MYO1G: variants seen among roughly 807,000 people sequenced by gnomAD.
MYO1G encodes myosin IG, also known as unconventional myosin-Ig.
Under a neutral mutation model 115.3 loss-of-function variants are expected in MYO1G, and 65 were observed. The observed-to-expected ratio is 0.56, with a 90% CI of 0.46 to 0.69. The LOEUF is 0.69. Among genes scored for constraint, MYO1G ranks in the 30% least tolerant of loss-of-function variants. The pLI, the probability that MYO1G is intolerant of heterozygous loss-of-function variation, is 0.00. For missense variants in MYO1G, 1,204 were observed against 1,393.5 expected (o/e 0.86, Z 2.16); for synonymous variants, 510 against 552.6 (o/e 0.92, Z 1.08).
chr7:44,971,352 C>A (rs1794955205), intron 7 of MYO1G, among the ~76,000 whole-genome samples: 1 of 152,248 alleles, frequency 6.6e-6, no homozygotes, highest in Non-Finnish European at 1.5e-5. Context: ...ACTACTTACT[C>A]CTCATGCCGC....
intron 1 of MYO1G, 86 bp downstream of exon 1, chr7:44,978,781 C>G: frequency 3.1e-6 from 4 of 1,307,330 alleles, no homozygotes; most frequent in Non-Finnish European, 4.4e-6. Flanking sequence ...CAGCAGCGTG[C>G]CTTCCTCTTT....
At position 44,976,882 on chromosome 7, in the gene MYO1G, G is replaced by A. The variant is rs755842091; in HGVS notation, c.285C>T (p.Asp95=). Residue 95 remains aspartate, a synonymous_variant, in exon 2 of 22, where the codon GAC becomes GAT. Transcript: ENST00000258787. Reference sequence around the variant, plus strand: ...AGGTACCTGAGATGACGATGCAGGTGTCCCTGGACCGGTGCTTCATTGCCT... The same window carrying A: ...AGGTACCTGAGATGACGATGCAGGTATCCCTGGACCGGTGCTTCATTGCCT... ...AYKAMKHRSR[D]TCIVISGESG... 44 of 1,613,440 alleles carry A rather than the reference G, an allele frequency of 2.7e-5. No homozygotes were observed. The Admixed American group carries it at 7.3e-4, about 27-fold the overall frequency.
At chr7:44,977,696 G>T (rs1310943197) in intron 1 of MYO1G, among the ~76,000 whole-genome samples, 2 of 152,172 alleles carry the variant, frequency 1.3e-5, no homozygotes, top group Non-Finnish European at 2.9e-5. Flanking sequence ...TCCCCAGTGG[G>T]GGTGGATGTC....
rs145850475 is a variant in MYO1G at position 44,971,744 on chromosome 7, T to C, written c.775A>G (p.Met259Val). 296 of 1,555,726 alleles carry C rather than the reference T, an allele frequency of 1.9e-4. No individual in the cohort carries two copies. The highest frequency in any genetic ancestry group is 2.5e-4 in the Non-Finnish European group (282 of 1,149,142). ...EQSHQAVTEA[M>V]RVIGFSPEEV... ...TCAGGACTGAAGCCGATGACCCTCA[T>C]GGCCTCGGTCACTGCCTGGTGGCTC... Residue 259 changes from methionine (M) to valine (V), a missense_variant, in exon 7 of 22, where the codon ATG becomes GTG. Met to Val is a conservative substitution (Grantham distance 21, BLOSUM62 1). Coordinates refer to ENST00000258787, the MANE Select transcript of MYO1G (RefSeq NM_033054.3).
rs771284499 is a variant in MYO1G, at chr7:44,970,000, C to T, written c.1332+40G>A. On this transcript the variant is annotated intron_variant, in intron 10 of 21. Coordinates refer to ENST00000258787, the MANE Select transcript of MYO1G (RefSeq NM_033054.3). The surrounding 1 kb of genome is among the most constrained non-coding windows in gnomAD (Gnocchi z 5.0). ...CTCCCCATGGGCTGAGGCCCCTCCA[C>T]ACCCCACTGCCTGGCCTCCCTCCAG... 4 of 1,604,874 alleles carry T rather than the reference C, an allele frequency of 2.5e-6. No individual in the cohort carries two copies. Among genetic ancestry groups the T allele is most frequent in the South Asian group, 1.1e-5 (1 of 90,642 alleles).
intron 7 of MYO1G, 43 bp downstream of exon 7, chr7:44,971,630 C>T (rs1367183781): frequency 6.9e-7 from 1 of 1,454,846 alleles, no homozygotes; most frequent in African/African-American, 1.4e-5. Flanking sequence ...CCAGGAAACC[C>T]TTGTGGGGAA....
chr7:44,972,076 CTG>C (rs1177959422), intron 6 of MYO1G, 37 bp downstream of exon 6: 1 of 1,518,108 alleles, frequency 6.6e-7, no homozygotes, highest in Admixed American at 1.7e-5. Context: ...GGCCCTGACA[CTG>C]AGCCCAGTTT....
chr7:44,963,233 G>C lies in MYO1G; in HGVS notation c.2746-109C>G. The C allele has an allele frequency of 7.6e-7, 1 of 1,319,228 alleles. No homozygotes were observed. Among genetic ancestry groups the C allele is most frequent in the Non-Finnish European group, 9.8e-7 (1 of 1,019,528 alleles). 81.7% of individuals were successfully genotyped at this position (1,319,228 alleles called of 1,614,324 possible). A position where few individuals can be genotyped will look rare whatever the true frequency, so the allele number is the denominator to read the frequency against. On this transcript the variant is annotated intron_variant, in intron 20 of 21. Transcript: ENST00000258787. The surrounding 1 kb of genome is among the most constrained non-coding windows in gnomAD (Gnocchi z 4.1). The stretch of plus-strand genomic sequence containing the variant: ...TGCCGAACCCCCAACCGCACCCGGG[G>C]AGCGCCGCCCTCGCCAGGGCCACCA...
chr7:44,965,640 C>T lies in MYO1G; in HGVS notation c.2378G>A (p.Cys793Tyr). 6.2e-7 allele frequency: 1 copy of T among 1,613,108 alleles called. No individual in the cohort carries two copies. The highest frequency in any genetic ancestry group is 8.5e-7 in the Non-Finnish European group (1 of 1,179,448). The change falls in exon 17 of 22, where the codon TGC becomes TAC. Residue 793 changes from cysteine to tyrosine, a missense_variant. By Grantham distance (194) the Cys-to-Tyr change is radical. Transcript: ENST00000258787. Reference sequence around the variant, plus strand: ...TGTGGTGGGCTGAGAGTAGTACCTGCAGAAGAGTGCGTGGCAGGTGTCCTG... The same window carrying T: ...TGTGGTGGGCTGAGAGTAGTACCTGTAGAAGAGTGCGTGGCAGGTGTCCTG... ...PFQDTCHALF[C>Y]RWRARQLVKN...
At position 44,969,171 on chromosome 7, in the gene MYO1G, G is replaced by A. The variant is rs900818386; in HGVS notation, c.1574+242C>T. 2.0e-6 allele frequency: 1 copy of A among 501,874 alleles called. No individual in the cohort carries two copies. Among genetic ancestry groups the A allele is most frequent in the Non-Finnish European group, 3.7e-6 (1 of 273,750 alleles). The allele number at this position is 501,874 out of a possible 1,614,324, so 31.1% of individuals were successfully genotyped here. On this transcript the variant is annotated intron_variant, in intron 12 of 21. Transcript: ENST00000258787. The surrounding 1 kb of genome is among the most constrained non-coding windows in gnomAD (Gnocchi z 5.0). Reference sequence around the variant, plus strand: ...GGGTTGGGCCCAGACATGAGACGTGGGTATTTTTTAAAGGCTCCCAGAAGA... The same window carrying A: ...GGGTTGGGCCCAGACATGAGACGTGAGTATTTTTTAAAGGCTCCCAGAAGA...
In MYO1G at chr7:44,966,921, T is replaced by C; in HGVS notation, c.1783-83A>G. The C allele has an allele frequency of 7.1e-7, 1 of 1,406,324 alleles. No individual in the cohort carries two copies. Among genetic ancestry groups the C allele is most frequent in the Non-Finnish European group, 9.6e-7 (1 of 1,039,724 alleles). 87.1% of individuals were successfully genotyped at this position (1,406,324 alleles called of 1,614,324 possible). A position where few individuals can be genotyped will look rare whatever the true frequency, so the allele number is the denominator to read the frequency against. ...CCCACACCAGGGGCTTCCTAACCCC[T>C]CAAGGTCCCAGGCCAGGAGAAGAGT... On this transcript the variant is annotated intron_variant, in intron 14 of 21. Transcript: ENST00000258787. This position sits in a 1 kb window ranked among gnomAD's most constrained non-coding sequence, Gnocchi z 5.0.
chr7:44,963,201 A>G lies in MYO1G; in HGVS notation c.2746-77T>C, dbSNP rs1794780068. 1 of 1,374,068 alleles carries G rather than the reference A, an allele frequency of 7.3e-7. No individual in the cohort carries two copies. Among genetic ancestry groups the G allele is most frequent in the Non-Finnish European group, 9.4e-7 (1 of 1,069,060 alleles). 85.1% of individuals were successfully genotyped at this position (1,374,068 alleles called of 1,614,324 possible). A position where few individuals can be genotyped will look rare whatever the true frequency, so the allele number is the denominator to read the frequency against. On this transcript the variant is annotated intron_variant, in intron 20 of 21. Coordinates refer to ENST00000258787, the MANE Select transcript of MYO1G (RefSeq NM_033054.3). This position sits in a 1 kb window ranked among gnomAD's most constrained non-coding sequence, Gnocchi z 4.1. Reference sequence around the variant, plus strand: ...TAGCCGGACTCACCCCCTCCCCAGGAAGCCTCTGCCGAACCCCCAACCGCA... The same window carrying G: ...TAGCCGGACTCACCCCCTCCCCAGGGAGCCTCTGCCGAACCCCCAACCGCA...
chr7:44,964,065 G>GC lies in MYO1G; in HGVS notation c.2728dup (p.Ala910GlyfsTer5). 6.3e-7 allele frequency: 1 copy of GC among 1,597,386 alleles called. No homozygotes were observed. Among genetic ancestry groups the GC allele is most frequent in the Non-Finnish European group, 8.5e-7 (1 of 1,172,000 alleles). ...ATTGCTCACCGCCTCAAGGGGCACG[G>GC]CCCGCATCACCCGGTACTGCCGGTC... On this transcript the variant is annotated frameshift_variant, in exon 20 of 22. Coordinates refer to ENST00000258787, the MANE Select transcript of MYO1G (RefSeq NM_033054.3). LOFTEE classifies it high-confidence loss of function. The surrounding 1 kb of genome is among the most constrained non-coding windows in gnomAD (Gnocchi z 5.1).
Position 44,971,868 on chromosome 7 carries a change from T to A in MYO1G, c.730-79A>T, listed in dbSNP as rs1794964879. ...TCTCCCTTGAGGCTTGATTCCTCCA[T>A]CCTAGGCACCTGCTCACCCCTGTCC... is the stretch of plus-strand genomic sequence containing the variant. On this transcript the variant is annotated intron_variant, in intron 6 of 21. Transcript: ENST00000258787. 15 of 1,118,608 alleles carry A rather than the reference T, an allele frequency of 1.3e-5. No individual in the cohort carries two copies. In the Admixed American group the frequency reaches 1.7e-4, roughly 13 times the overall value. The allele number at this position is 1,118,608 out of a possible 1,614,324, so 69.3% of individuals were successfully genotyped here.
rs896450677 is a variant in MYO1G, at chr7:44,969,610, G to A, written c.1503+95C>T. 7 of 1,581,274 alleles carry A rather than the reference G, an allele frequency of 4.4e-6. No homozygotes were observed. The African/African-American group carries it at 5.4e-5, about 12-fold the overall frequency. On this transcript the variant is annotated intron_variant, in intron 11 of 21. Transcript: ENST00000258787. The surrounding 1 kb of genome is among the most constrained non-coding windows in gnomAD (Gnocchi z 5.0). ...GTGACGACAATGGCACCAAAGCTGG[G>A]TCCCCAACCAGGCCCCACGAGGCAT...
rs1173423494 is a variant in MYO1G at position 44,962,933 on chromosome 7, G to C, written c.2900+37C>G. On this transcript the variant is annotated intron_variant, in intron 21 of 21. Transcript: ENST00000258787. The surrounding 1 kb of genome is among the most constrained non-coding windows in gnomAD (Gnocchi z 5.3). The stretch of plus-strand genomic sequence containing the variant: ...GAGGGGTCAGGGCGGCCACGCGGCC[G>C]GGGCTTCGTGCCCGCTACCGCCCAG... 9 of 1,502,128 alleles carry C rather than the reference G, an allele frequency of 6.0e-6. No individual in the cohort carries two copies. Among genetic ancestry groups the C allele is most frequent in the Admixed American group, 4.4e-5 (2 of 45,464 alleles). The allele number at this position is 1,502,128 out of a possible 1,614,324, so 93.0% of individuals were successfully genotyped here.
chr7:44,976,744 C>A (rs959476541), intron 2 of MYO1G, 87 bp from the exon 3 acceptor site: 6 of 1,582,396 alleles, frequency 3.8e-6, no homozygotes, highest in Non-Finnish European at 5.2e-6. Flanking sequence ...CCAAGACTGG[C>A]AAGATGGGGT....
Position 44,964,829 on chromosome 7 carries a change from C to G in MYO1G, c.2526+116G>C. 2.1e-6 allele frequency: 3 copies of G among 1,454,762 alleles called. No homozygotes were observed. Among genetic ancestry groups the G allele is most frequent in the Non-Finnish European group, 2.8e-6 (3 of 1,077,586 alleles). The allele number at this position is 1,454,762 out of a possible 1,614,324, so 90.1% of individuals were successfully genotyped here. A position where few individuals can be genotyped will look rare whatever the true frequency, so the allele number is the denominator to read the frequency against. ...GGGCTGAGGTACAGGGCCACCAGGA[C>G]AGACAACCCCAGGCCTGGGAGAGGA... On this transcript the variant is annotated intron_variant, in intron 18 of 21. Transcript: ENST00000258787. The surrounding 1 kb of genome is among the most constrained non-coding windows in gnomAD (Gnocchi z 5.1).
In MYO1G at chr7:44,976,975, G is replaced by A. The variant is rs1252138049; in HGVS notation, c.192C>T (p.Ala64=). The change falls in exon 2 of 22, where the codon GCC becomes GCT. Residue 64 remains alanine, a synonymous_variant. Transcript: ENST00000258787. ...CATAGAGCTCACGGCCCTGGTACCTGGCGATGGCCTCAGGCCCATACAGGG... is the reference window on the plus strand; with the variant it reads ...CATAGAGCTCACGGCCCTGGTACCTAGCGATGGCCTCAGGCCCATACAGGG... ...ELPLYGPEAI[A]RYQGRELYER... The A allele has an allele frequency of 1.9e-6, 3 of 1,613,560 alleles. No individual in the cohort carries two copies. Among genetic ancestry groups the A allele is most frequent in the African/African-American group, 2.7e-5 (2 of 74,934 alleles).
Sources: allele counts gnomAD v4.1 joint callset (sites outside exome capture counted in the v4.1 genomes callset), GRCh38; gene constraint gnomAD v4.1.1; non-coding constraint Gnocchi (gnomAD v3.1); transcripts MANE v1.5; gene names NCBI Gene and HGNC (gene_info 2026-07-23, HGNC 2026-07-21).